GRID2: variants seen among roughly 807,000 people sequenced by gnomAD.
GRID2 encodes the protein glutamate ionotropic receptor delta type subunit 2.
GRID2 carries 33 observed loss-of-function variants against 114.8 expected under a neutral mutation model. That is an observed-to-expected ratio of 0.29 (90% CI 0.22 to 0.38). The LOEUF (loss-of-function observed/expected upper bound fraction) is 0.38. GRID2 is among the 10% of genes least tolerant of loss of function. The probability of loss-of-function intolerance (pLI) is 1.00; values close to 1 mark genes in which losing one functional copy is unlikely to be tolerated. For missense variants in GRID2, 1,184 were observed against 1,257.7 expected, an observed-to-expected ratio of 0.94 and a Z score of 0.89; for synonymous variants, 505 against 449.9, an observed-to-expected ratio of 1.12 and a Z score of -1.55.
chr4:93,382,436 T>C (rs959779275), intron 8 of GRID2, among the ~76,000 whole-genome samples: 7 of 152,066 alleles, frequency 4.6e-5, no homozygotes, highest in African/African-American at 1.7e-4. Context: ...TTTTTCTTTC[T>C]GTTCCTTGGA....
intron 2 of GRID2, among the ~76,000 whole-genome samples, chr4:92,685,995 G>C (rs900457850): frequency 2.6e-5 from 4 of 151,814 alleles, no homozygotes; most frequent in Admixed American, 6.6e-5. Flanking sequence ...TGCATCATTG[G>C]TATCTTATAA....
chr4:93,231,543 T>G (rs1232418426), intron 7 of GRID2, among the ~76,000 whole-genome samples: 1 of 152,044 alleles, frequency 6.6e-6, no homozygotes. Flanking sequence ...TGTGCTGTGG[T>G]ACATACTGAG....
rs533912788 is a variant in GRID2 at position 92,327,083 on chromosome 4, A to C, written c.88+22339A>C. On this transcript the variant is annotated intron_variant, in intron 1 of 15. Transcript: ENST00000282020. ...CCGTAAAAAATTTAAAAAAGGCAAA[A>C]TATTTCTTCTACTGAGTGGTCATTA... is the stretch of plus-strand genomic sequence containing the variant. Among the ~76,000 whole-genome samples, 8 of 151,974 alleles carry C rather than the reference A, an allele frequency of 5.3e-5. No individual in the cohort carries two copies. The South Asian group carries it at 1.7e-3, about 32-fold the overall frequency.
chr4:92,425,457 A>G (rs1732111061), intron 1 of GRID2, among the ~76,000 whole-genome samples: 1 of 152,126 alleles, frequency 6.6e-6, no homozygotes, highest in Admixed American at 6.6e-5. Context: ...AACTTGCATC[A>G]CAATATTTTA....
chr4:93,277,626 TTTAA>T, intron 8 of GRID2, among the ~76,000 whole-genome samples: 1 of 151,992 alleles, frequency 6.6e-6, no homozygotes, highest in Middle Eastern at 3.2e-3. Flanking sequence ...GCTTTCTAAA[TTTAA>T]TTACACATTG....
chr4:93,471,310 T>C lies in GRID2; in HGVS notation c.1858+15336T>C, dbSNP rs140309835. ...TAGGCTGCAAGGAGGGGAAACCCAT[T>C]ATCTTTCAACTCTTAAACTGTCTCT... On this transcript the variant is annotated intron_variant, in intron 11 of 15. Coordinates refer to ENST00000282020, the MANE Select transcript of GRID2 (RefSeq NM_001510.4). Among the ~76,000 whole-genome samples, 654 of 152,322 alleles carry C rather than the reference T, an allele frequency of 4.3e-3. 6 individuals carry two copies. The highest frequency in any genetic ancestry group is 0.015 in the African/African-American group (634 of 41,568).
chr4:93,524,819 GTA>G (rs1307000620), intron 13 of GRID2, among the ~76,000 whole-genome samples: 7 of 52,202 alleles, frequency 1.3e-4, no homozygotes, highest in African/African-American at 8.7e-4. Context: ...ATATATGTAT[GTA>G]TGTATATATA....
intron 14 of GRID2, among the ~76,000 whole-genome samples, chr4:93,703,610 A>G (rs1411990060): frequency 1.3e-5 from 2 of 151,260 alleles, no homozygotes; most frequent in Admixed American, 6.6e-5. Context: ...TCGTCATTTA[A>G]CATTAGGTAT....
Position 92,447,372 on chromosome 4 carries a change from C to T in GRID2, c.88+142628C>T, listed in dbSNP as rs75993527. 7.0e-4 allele frequency among the ~76,000 whole-genome samples: 106 copies of T among 152,242 alleles called. 5 individuals are homozygous for T. In the East Asian group the frequency reaches 0.021, roughly 30 times the overall value. On this transcript the variant is annotated intron_variant, in intron 1 of 15. Coordinates refer to ENST00000282020, the MANE Select transcript of GRID2 (RefSeq NM_001510.4). ...CTCCCAAGGCAAACTATTGGCAGAC[C>T]TTCTAAGGGCAGATTGTGTGCATCT...
At chr4:92,622,050 G>C (rs185833031) in intron 2 of GRID2, among the ~76,000 whole-genome samples, 85 of 151,760 alleles carry the variant, frequency 5.6e-4, no homozygotes, top group Non-Finnish European at 9.6e-4. Flanking sequence ...CATGTGGAGT[G>C]GTTATAATAA....
At chr4:93,559,147 A>G (rs539179216) in intron 13 of GRID2, among the ~76,000 whole-genome samples, 4 of 152,138 alleles carry the variant, frequency 2.6e-5, no homozygotes, top group Non-Finnish European at 5.9e-5. Context: ...CATAAAACCT[A>G]GGCAATAGCA....
At chr4:93,551,084 T>C (rs1733707210) in intron 13 of GRID2, among the ~76,000 whole-genome samples, 1 of 152,222 alleles carries the variant, frequency 6.6e-6, no homozygotes, top group Admixed American at 6.5e-5. Flanking sequence ...TTTGTTTTAA[T>C]ATCAAGCTAT....
At chr4:93,170,826 A>T (rs1160171631) in intron 4 of GRID2, among the ~76,000 whole-genome samples, 1 of 151,642 alleles carries the variant, frequency 6.6e-6, no homozygotes, top group African/African-American at 2.4e-5. Context: ...AATTTCAATG[A>T]CGATTTTCCT....
At chr4:93,733,533 G>A (rs1730666936) in intron 14 of GRID2, among the ~76,000 whole-genome samples, 1 of 152,018 alleles carries the variant, frequency 6.6e-6, no homozygotes, top group Non-Finnish European at 1.5e-5. Context: ...GGAAATAATA[G>A]GCATTCAGAT....
chr4:92,382,918 G>T (rs930191856), intron 1 of GRID2, among the ~76,000 whole-genome samples: 1 of 151,880 alleles, frequency 6.6e-6, no homozygotes, highest in Admixed American at 6.6e-5. Flanking sequence ...AAGAAAAGAG[G>T]TTTAGTTGGG....
At chr4:92,942,115 G>A (rs1376977048) in intron 2 of GRID2, among the ~76,000 whole-genome samples, 1 of 152,098 alleles carries the variant, frequency 6.6e-6, no homozygotes, top group Non-Finnish European at 1.5e-5. Flanking sequence ...TTCAATTCCT[G>A]GATATCCTTG....
chr4:93,571,217 T>A (rs1221393768), intron 13 of GRID2, among the ~76,000 whole-genome samples: 1 of 152,078 alleles, frequency 6.6e-6, no homozygotes, highest in Non-Finnish European at 1.5e-5. Context: ...GTGAAGGTCC[T>A]AAAAATGTAG....
chr4:92,915,003 C>T (rs1032975769), intron 2 of GRID2, among the ~76,000 whole-genome samples: 5 of 152,126 alleles, frequency 3.3e-5, no homozygotes, highest in African/African-American at 1.2e-4. Context: ...ATTCAATTGA[C>T]TCACAGTCCA....
intron 4 of GRID2, among the ~76,000 whole-genome samples, chr4:93,119,660 T>C (rs9994754): frequency 0.4 from 60,221 of 151,972 alleles, 12,283 homozygotes; most frequent in Admixed American, 0.55. Flanking sequence ...ATAGTTTTCA[T>C]TGTATTGTAC....
Sources: gnomAD v4.1 joint callset for allele counts (sites outside exome capture counted in the v4.1 genomes callset) on GRCh38, gnomAD v4.1.1 for gene constraint, MANE v1.5 for transcripts, NCBI Gene and HGNC (gene_info 2026-07-23, HGNC 2026-07-21) for gene names.